PEBP4: variants seen among roughly 807,000 people sequenced by gnomAD.
PEBP4 encodes phosphatidylethanolamine binding protein 4.
Under a neutral mutation model 23.9 loss-of-function variants are expected in PEBP4, and 22 were observed. That is an observed-to-expected ratio of 0.92 (90% confidence interval 0.66 to 1.31). The LOEUF (loss-of-function observed/expected upper bound fraction) is 1.31, where lower values mean the gene tolerates loss of function less well. PEBP4 is among the 40% of genes most tolerant of loss of function. PEBP4 has a pLI of 0.00. For missense variants in PEBP4, 324 were observed against 281.7 expected, an observed-to-expected ratio of 1.15 and a Z score of -1.07; for synonymous variants, 112 against 99.3, an observed-to-expected ratio of 1.13 and a Z score of -0.76.
At chr8:22,875,292 C>T (rs1401076104) in intron 3 of PEBP4, among the ~76,000 whole-genome samples, 3 of 151,924 alleles carry the variant, frequency 2.0e-5, no homozygotes, top group Non-Finnish European at 4.4e-5. Context: ...TATATGTGAG[C>T]CCCTTTTATT....
intron 3 of PEBP4, among the ~76,000 whole-genome samples, chr8:22,819,049 T>A (rs958701443): frequency 6.6e-6 from 1 of 152,128 alleles, no homozygotes; most frequent in African/African-American, 2.4e-5. Context: ...TAGGTATGCA[T>A]GTCGGTCTGT....
At position 22,750,326 on chromosome 8, in the gene PEBP4, C is replaced by T. The variant is rs536471089; in HGVS notation, c.358-23106G>A. Among the ~76,000 whole-genome samples the T allele has an allele frequency of 6.6e-5, 10 of 152,016 alleles. No homozygotes were observed. The South Asian group carries it at 1.0e-3, about 16-fold the overall frequency. ...CACTTTGGTCAGGCTGGTCTCAAAC[C>T]CCTGACCTTGTGATCCACCCGCTGT... On this transcript the variant is annotated intron_variant, in intron 4 of 6. Coordinates refer to ENST00000256404, the MANE Select transcript of PEBP4 (RefSeq NM_144962.3).
intron 3 of PEBP4, among the ~76,000 whole-genome samples, chr8:22,911,505 G>T (rs1808938328): frequency 6.6e-6 from 1 of 152,118 alleles, no homozygotes; most frequent in Non-Finnish European, 1.5e-5. Context: ...CCACAAGCCG[G>T]CAAGTTTTAA....
chr8:22,721,935 T>C (rs991458489), intron 6 of PEBP4, among the ~76,000 whole-genome samples: 3 of 152,168 alleles, frequency 2.0e-5, no homozygotes, highest in African/African-American at 7.2e-5. Flanking sequence ...TTTCTGCTTT[T>C]GCAATCGCCC....
At chr8:22,713,658 G>T in intron 6 of PEBP4, 122 bp from the exon 7 acceptor site, 1 of 1,364,038 alleles carries the variant, frequency 7.3e-7, no homozygotes, top group Non-Finnish European at 1.0e-6. Flanking sequence ...CGATGGCCAT[G>T]GGGCGTAGTG....
At position 22,788,674 on chromosome 8, in the gene PEBP4, T is replaced by C. The variant is rs536882700; in HGVS notation, c.357+28963A>G. Among the ~76,000 whole-genome samples, 20 of 152,368 alleles carry C rather than the reference T, an allele frequency of 1.3e-4. No homozygotes were observed. In the South Asian group the frequency reaches 1.9e-3, roughly 14 times the overall value. On this transcript the variant is annotated intron_variant, in intron 4 of 6. Transcript: ENST00000256404. The stretch of plus-strand genomic sequence containing the variant: ...TGTCCTGATGGTTATTCATATGCTA[T>C]GAATTCTAAATTGATACAAGGATTC...
chr8:22,918,561 A>G (rs992789362), intron 3 of PEBP4, among the ~76,000 whole-genome samples: 8 of 152,180 alleles, frequency 5.3e-5, no homozygotes, highest in African/African-American at 1.9e-4. Flanking sequence ...TGCTCAGAAA[A>G]GTCTACACTG....
chr8:22,834,066 G>A (rs560624162), intron 3 of PEBP4, among the ~76,000 whole-genome samples: 5 of 152,288 alleles, frequency 3.3e-5, no homozygotes, highest in African/African-American at 1.2e-4. Flanking sequence ...GACCTCAGCT[G>A]GGGACCCTTG....
intron 4 of PEBP4, among the ~76,000 whole-genome samples, chr8:22,803,496 C>G (rs1411478667): frequency 6.6e-6 from 1 of 151,918 alleles, no homozygotes; most frequent in East Asian, 1.9e-4. Context: ...GAAGCCCCAT[C>G]TCTACTAAAA....
intron 4 of PEBP4, among the ~76,000 whole-genome samples, chr8:22,743,571 C>T (rs1346994247): frequency 1.3e-5 from 2 of 152,172 alleles, no homozygotes; most frequent in Non-Finnish European, 2.9e-5. Context: ...AGCCTGAAGC[C>T]CCTCCGGAGC....
At chr8:22,781,409 G>T (rs1805912809) in intron 4 of PEBP4, among the ~76,000 whole-genome samples, 1 of 152,202 alleles carries the variant, frequency 6.6e-6, no homozygotes, top group Non-Finnish European at 1.5e-5. Flanking sequence ...CTTCCTCAGG[G>T]ATCGCTTTAC....
intron 4 of PEBP4, among the ~76,000 whole-genome samples, chr8:22,762,596 T>C (rs959907412): frequency 6.6e-6 from 1 of 152,184 alleles, no homozygotes; most frequent in African/African-American, 2.4e-5. Context: ...CCCATCTGGT[T>C]TCTTCTCGGT....
At chr8:22,837,884 T>C (rs1479074666) in intron 3 of PEBP4, among the ~76,000 whole-genome samples, 1 of 149,012 alleles carries the variant, frequency 6.7e-6, no homozygotes, top group South Asian at 2.1e-4. Context: ...ATTAGATTAT[T>C]ATATTCTTTT....
chr8:22,843,709 G>A (rs891225373), intron 3 of PEBP4, among the ~76,000 whole-genome samples: 1 of 152,202 alleles, frequency 6.6e-6, no homozygotes, highest in South Asian at 2.1e-4. Context: ...CCCCAGACAC[G>A]TGTGTTTTTC....
chr8:22,807,249 C>T (rs1375981408), intron 4 of PEBP4, among the ~76,000 whole-genome samples: 1 of 152,074 alleles, frequency 6.6e-6, no homozygotes, highest in Non-Finnish European at 1.5e-5. Context: ...GGTAACAGTC[C>T]GCAGAGGCCT....
At chr8:22,890,029 A>G (rs956387478) in intron 3 of PEBP4, among the ~76,000 whole-genome samples, 1 of 152,234 alleles carries the variant, frequency 6.6e-6, no homozygotes, top group African/African-American at 2.4e-5. Context: ...TACCTGGAAG[A>G]CCTCATGCTC....
At chr8:22,788,309 G>A (rs374170073) in intron 4 of PEBP4, among the ~76,000 whole-genome samples, 3 of 152,206 alleles carry the variant, frequency 2.0e-5, no homozygotes, top group East Asian at 1.9e-4. Flanking sequence ...GCTGCCAGGG[G>A]GACAAAGAAG....
chr8:22,853,141 TG>T (rs1807580088), intron 3 of PEBP4, among the ~76,000 whole-genome samples: 1 of 152,260 alleles, frequency 6.6e-6, no homozygotes, highest in Non-Finnish European at 1.5e-5. Flanking sequence ...GATTTCGGTA[TG>T]CGTAGAACAC....
At chr8:22,879,756 T>C (rs544342979) in intron 3 of PEBP4, among the ~76,000 whole-genome samples, 1 of 152,288 alleles carries the variant, frequency 6.6e-6, no homozygotes, top group South Asian at 2.1e-4. Context: ...AACTGTGTAA[T>C]TCAACAAACA....
Sources: gnomAD v4.1 joint callset for allele counts (sites outside exome capture counted in the v4.1 genomes callset) on GRCh38, gnomAD v4.1.1 for gene constraint, MANE v1.5 for transcripts, NCBI Gene and HGNC (gene_info 2026-07-23, HGNC 2026-07-21) for gene names.